WWOX: variants seen among roughly 807,000 people sequenced by gnomAD.
WWOX encodes the protein WW domain containing oxidoreductase.
In WWOX, 69 loss-of-function variants were observed where a neutral mutation model predicts 46.2. The ratio of observed to expected loss-of-function variants is 1.49; its 90% CI spans 1.23 to 1.82. The LOEUF (loss-of-function observed/expected upper bound fraction) is 1.82, where lower values mean the gene tolerates loss of function less well. WWOX is among the 40% of genes most tolerant of loss of function. WWOX has a pLI of 0.00. For synonymous variants in WWOX, 359 were observed against 202.6 expected (o/e 1.77, Z -6.56); for missense variants, 919 against 542.6 (o/e 1.69, Z -6.89).
intron 8 of WWOX, among the ~76,000 whole-genome samples, chr16:79,005,309 C>T (rs1252878395): frequency 3.3e-5 from 5 of 152,170 alleles, no homozygotes; most frequent in Non-Finnish European, 1.5e-5. Flanking sequence ...AGATGCAACA[C>T]ACAGTTTCCT....
chr16:79,149,297 A>G (rs1023190665), intron 8 of WWOX, among the ~76,000 whole-genome samples: 1 of 152,202 alleles, frequency 6.6e-6, no homozygotes, highest in African/African-American at 2.4e-5. Context: ...CTATATGATC[A>G]TATGATTTTC....
At chr16:79,134,071 A>G (rs745833831) in intron 8 of WWOX, among the ~76,000 whole-genome samples, 18 of 152,112 alleles carry the variant, frequency 1.2e-4, no homozygotes, top group Non-Finnish European at 1.8e-4. Context: ...TTTGGTTGTC[A>G]CTATGAAGAA....
chr16:78,927,215 G>A (rs1021481226), intron 8 of WWOX, among the ~76,000 whole-genome samples: 1 of 152,188 alleles, frequency 6.6e-6, no homozygotes, highest in Admixed American at 6.5e-5. Flanking sequence ...TCGTGAGCAG[G>A]ATTTTCAATG....
chr16:78,192,140 C>T lies in WWOX; in HGVS notation c.516+27851C>T, dbSNP rs184366697. ...CCAAACCTCAGCATAATGCAATATA[C>T]TCATGTAACAAATCTGCATAAGTAC... On this transcript the variant is annotated intron_variant, in intron 5 of 8. Coordinates refer to ENST00000566780, the MANE Select transcript of WWOX (RefSeq NM_016373.4). Among the ~76,000 whole-genome samples, 14 of 152,186 alleles carry T rather than the reference C, an allele frequency of 9.2e-5. No homozygotes were observed. In the East Asian group the frequency reaches 2.7e-3, roughly 29 times the overall value.
intron 8 of WWOX, among the ~76,000 whole-genome samples, chr16:78,598,042 C>T (rs1241224457): frequency 6.6e-6 from 1 of 152,116 alleles, no homozygotes. Flanking sequence ...TGTCCAGCTC[C>T]ACTAATCTCC....
intron 8 of WWOX, among the ~76,000 whole-genome samples, chr16:78,618,110 T>G (rs1470494681): frequency 6.6e-6 from 1 of 152,220 alleles, no homozygotes; most frequent in East Asian, 1.9e-4. Context: ...ATTTTGCCTC[T>G]GAGAGACGCA....
chr16:79,169,544 A>C (rs2050660222), intron 8 of WWOX, among the ~76,000 whole-genome samples: 1 of 152,220 alleles, frequency 6.6e-6, no homozygotes, highest in Non-Finnish European at 1.5e-5. Context: ...AAGCCAGGGT[A>C]AAGTCCCCAG....
Position 78,507,652 on chromosome 16 carries a change from G to A in WWOX, c.1056+74900G>A, listed in dbSNP as rs185199243. ...ATTCTTTGAGAAATGCCTTGGTCCC[G>A]TCTCCAGCCAGATCAGCATTGCACC... On this transcript the variant is annotated intron_variant, in intron 8 of 8. Transcript: ENST00000566780. Among the ~76,000 whole-genome samples, 100 of 152,210 alleles carry A rather than the reference G, an allele frequency of 6.6e-4. 1 individual carries two copies. Among genetic ancestry groups the A allele is most frequent in the South Asian group, 1.9e-3 (9 of 4,808 alleles).
At chr16:78,942,420 CTGTAAAAA>C (rs555465230) in intron 8 of WWOX, among the ~76,000 whole-genome samples, 90 of 152,226 alleles carry the variant, frequency 5.9e-4, no homozygotes, top group African/African-American at 1.7e-3. Flanking sequence ...TGAGGACACA[CTGTAAAAA>C]TGTATGACAG....
intron 6 of WWOX, among the ~76,000 whole-genome samples, chr16:78,412,005 A>G (rs1425952870): frequency 2.6e-5 from 4 of 152,202 alleles, no homozygotes; most frequent in Admixed American, 2.0e-4. Flanking sequence ...TCAACAGAGC[A>G]TGTGTGTGGG....
intron 8 of WWOX, among the ~76,000 whole-genome samples, chr16:78,831,338 C>T (rs1175131986): frequency 6.6e-6 from 1 of 152,194 alleles, no homozygotes; most frequent in Non-Finnish European, 1.5e-5. Context: ...TGACCAGCCT[C>T]CAAGATGTAT....
chr16:78,774,984 C>T (rs2050154232), intron 8 of WWOX, among the ~76,000 whole-genome samples: 3 of 152,090 alleles, frequency 2.0e-5, no homozygotes, highest in African/African-American at 4.8e-5. Flanking sequence ...AGAGGGGCTG[C>T]AGGTAGAACT....
intron 8 of WWOX, among the ~76,000 whole-genome samples, chr16:78,991,141 A>G (rs947308594): frequency 3.9e-5 from 6 of 152,244 alleles, no homozygotes; most frequent in Non-Finnish European, 8.8e-5. Flanking sequence ...TTACTAAGTC[A>G]TTGATGGCAC....
chr16:78,692,613 C>G (rs774331442), intron 8 of WWOX, among the ~76,000 whole-genome samples: 1 of 152,196 alleles, frequency 6.6e-6, no homozygotes, highest in African/African-American at 2.4e-5. Flanking sequence ...ATCTCTCACC[C>G]CCATGTTTAT....
chr16:78,100,101 C>T (rs978803641), intron 1 of WWOX: 10 of 1,375,408 alleles, frequency 7.3e-6, no homozygotes, highest in African/African-American at 1.5e-5. Flanking sequence ...GGTGGCTTCC[C>T]GGCGCGCCCT....
chr16:78,835,263 G>T (rs190018785), intron 8 of WWOX, among the ~76,000 whole-genome samples: 37 of 152,222 alleles, frequency 2.4e-4, no homozygotes, highest in African/African-American at 8.4e-4. Context: ...CACCTTCCGA[G>T]ATTATTTACT....
intron 8 of WWOX, among the ~76,000 whole-genome samples, chr16:78,901,780 C>A (rs117815759): frequency 6.6e-6 from 1 of 152,228 alleles, no homozygotes; most frequent in Non-Finnish European, 1.5e-5. Flanking sequence ...TGAGCCACTG[C>A]GCCTAGCGAG....
chr16:78,927,297 C>T (rs143956779), intron 8 of WWOX, among the ~76,000 whole-genome samples: 3 of 152,300 alleles, frequency 2.0e-5, no homozygotes, highest in African/African-American at 7.2e-5. Flanking sequence ...TCCAGCAGAG[C>T]CTGCTCTTGG....
chr16:78,533,565 G>A (rs1204090709), intron 8 of WWOX, among the ~76,000 whole-genome samples: 1 of 152,182 alleles, frequency 6.6e-6, no homozygotes, highest in Non-Finnish European at 1.5e-5. Flanking sequence ...AGGGGCTTGA[G>A]CATTTGAAAG....
Sources: gnomAD v4.1 joint callset for allele counts (sites outside exome capture counted in the v4.1 genomes callset) on GRCh38, gnomAD v4.1.1 for gene constraint, MANE v1.5 for transcripts, NCBI Gene and HGNC (gene_info 2026-07-23, HGNC 2026-07-21) for gene names.